Variants in PGM3 observed in about 807,000 individuals in gnomAD.
The protein encoded by PGM3 is phosphoglucomutase 3, also known as phosphoacetylglucosamine mutase.
PGM3 carries 40 observed loss-of-function variants against 66.2 expected under a neutral mutation model. The ratio of observed to expected loss-of-function variants is 0.60; its 90% CI spans 0.47 to 0.79. The LOEUF (loss-of-function observed/expected upper bound fraction) is 0.79, where lower values mean the gene tolerates loss of function less well. Ranked by LOEUF, PGM3 falls within the 30% of genes least tolerant of loss-of-function variation. PGM3 has a pLI of 0.00. For missense variants in PGM3, 537 were observed against 643.4 expected (o/e 0.83, Z 1.79); for synonymous variants, 191 against 224.2 (o/e 0.85, Z 1.32).
chr6:83,164,733 T>C (rs573121987), downstream of PGM3: 89 of 1,579,580 alleles, frequency 5.6e-5, no homozygotes, highest in Non-Finnish European at 7.5e-5. Flanking sequence ...AGGGTGGCTG[T>C]TTCATGCTTA....
intron 10 of PGM3, among the ~76,000 whole-genome samples, chr6:83,173,803 C>A (rs957029017): frequency 1.3e-5 from 2 of 152,170 alleles, no homozygotes; most frequent in Non-Finnish European, 2.9e-5. Context: ...GTGGCGTGAT[C>A]TTGGCTCACT....
At chr6:83,172,272 C>CACCTACAGTCCCAGCT (rs1787285829) in intron 10 of PGM3, among the ~76,000 whole-genome samples, 1 of 152,144 alleles carries the variant, frequency 6.6e-6, no homozygotes, top group African/African-American at 2.4e-5. Context: ...TGGTGGCATA[C>CACCTACAGTCCCAGCT]ACCTACAGTC....
chr6:83,191,241 T>G lies in PGM3; in HGVS notation c.-2-227A>C, dbSNP rs762473433. 9.8e-6 allele frequency: 15 copies of G among 1,535,368 alleles called. No individual in the cohort carries two copies. Among genetic ancestry groups the G allele is most frequent in the South Asian group, 3.6e-5 (3 of 84,056 alleles). ...CACTCCTGGGCAGACTCAGGGCAGA[T>G]AGCAGATTGTCCCCACTCTCCTCCC... On this transcript the variant is annotated intron_variant, in intron 1 of 12. Transcript: ENST00000513973.
chr6:83,167,679 AACT>A lies in PGM3; in HGVS notation c.*1552_*1554del. ...TACAATGTTAGACTGCTCCATGTAA[AACT>A]AATAAATGGCAGTAAAAGGTCTCAG... On this transcript the variant is annotated 3_prime_UTR_variant, in exon 13 of 13. Coordinates refer to ENST00000513973, the MANE Select transcript of PGM3 (RefSeq NM_015599.3). The A allele has an allele frequency of 7.3e-7, 1 of 1,376,302 alleles. No individual in the cohort carries two copies. The highest frequency in any genetic ancestry group is 9.3e-7 in the Non-Finnish European group (1 of 1,069,714). 85.3% of individuals were successfully genotyped at this position (1,376,302 alleles called of 1,614,324 possible).
chr6:83,158,307 T>G (rs1419830840), downstream of PGM3, among the ~76,000 whole-genome samples: 2 of 152,140 alleles, frequency 1.3e-5, no homozygotes, highest in Non-Finnish European at 2.9e-5. Flanking sequence ...GACCTATTTT[T>G]CCTTTTTTAA....
In PGM3 at chr6:83,176,011, G is replaced by A. The variant is rs1201093914; in HGVS notation, c.1079C>T (p.Ala360Val). ...KTGVKHLHHK[A>V]QEFDIGVYFE... ...ATAAACTCCAATGTCAAACTCTTGA[G>A]CCTTGTGGTGCAAATGTTTTACACC... The change falls in exon 9 of 13, where the codon GCT becomes GTT. Residue 360 changes from alanine to valine, a missense_variant. Coordinates refer to ENST00000513973, the MANE Select transcript of PGM3 (RefSeq NM_015599.3). The A allele has an allele frequency of 1.7e-5, 27 of 1,611,778 alleles. No individual in the cohort carries two copies. The highest frequency in any genetic ancestry group is 2.7e-5 in the African/African-American group (2 of 74,968).
intron 1 of PGM3, chr6:83,191,219 T>C (rs1028957786): frequency 6.5e-6 from 10 of 1,535,258 alleles, no homozygotes; most frequent in Non-Finnish European, 7.8e-6. Flanking sequence ...GTATGTCCAC[T>C]CCTGGGCAGA....
In PGM3 at chr6:83,174,101, G is replaced by A. The variant is rs1013991347; in HGVS notation, c.1242+273C>T. ...TTAAAAAAAAATTAATAATATATAT[G>A]TATACACTGAGTAGCTGAATCTGTG... On this transcript the variant is annotated intron_variant, in intron 10 of 12. Transcript: ENST00000513973. Among the ~76,000 whole-genome samples, 8 of 152,152 alleles carry A rather than the reference G, an allele frequency of 5.3e-5. No individual in the cohort carries two copies. The East Asian group carries it at 1.5e-3, about 29-fold the overall frequency.
At chr6:83,173,983 T>G (rs1261806663) in intron 10 of PGM3, among the ~76,000 whole-genome samples, 8 of 151,902 alleles carry the variant, frequency 5.3e-5, no homozygotes, top group South Asian at 4.2e-4. Flanking sequence ...TGATCCGCCC[T>G]CCTTGGCCTC....
rs1258584185 is a variant in PGM3 at position 83,167,983 on chromosome 6, A to T, written c.*1251T>A. 6.2e-7 allele frequency: 1 copy of T among 1,614,198 alleles called. No homozygotes were observed. Among genetic ancestry groups the T allele is most frequent in the Non-Finnish European group, 8.5e-7 (1 of 1,180,032 alleles). ...CTGCCGTTCTTCAATGTGCTCAGTC[A>T]AGTCTTCAACAGCAAAGTCACAAGC... is the stretch of plus-strand genomic sequence containing the variant. On this transcript the variant is annotated 3_prime_UTR_variant, in exon 13 of 13. Transcript: ENST00000513973.
In PGM3 at chr6:83,169,052, G is replaced by A. The variant is rs1050418960; in HGVS notation, c.*182C>T. On this transcript the variant is annotated 3_prime_UTR_variant, in exon 13 of 13. Coordinates refer to ENST00000513973, the MANE Select transcript of PGM3 (RefSeq NM_015599.3). ...TTAGAGGTAAATTTCTTTAACAAGT[G>A]TAAGGCTTACCTATTTATAAAGAAT... The A allele has an allele frequency of 7.1e-7, 1 of 1,404,096 alleles. No individual in the cohort carries two copies. Among genetic ancestry groups the A allele is most frequent in the African/African-American group, 1.4e-5 (1 of 69,298 alleles). 87.0% of individuals were successfully genotyped at this position (1,404,096 alleles called of 1,614,324 possible).
rs1317627245 is a variant in PGM3, at chr6:83,190,682, C to A, written c.204+127G>T. The A allele has an allele frequency of 8.0e-5, 59 of 735,646 alleles. 1 individual carries two copies. 45.6% of individuals were successfully genotyped at this position (735,646 alleles called of 1,614,324 possible). On this transcript the variant is annotated intron_variant, in intron 2 of 12. Coordinates refer to ENST00000513973, the MANE Select transcript of PGM3 (RefSeq NM_015599.3). ...TAAAAAAAAAAAGTTGTTTCACATC[C>A]AAAGCACATATAAATGAGAAGGCAC...
intron 2 of PGM3, among the ~76,000 whole-genome samples, chr6:83,190,070 T>C (rs1287077706): frequency 6.6e-6 from 1 of 152,064 alleles, no homozygotes; most frequent in Non-Finnish European, 1.5e-5. Flanking sequence ...GCGTGGTGAC[T>C]ATAGTTCATA....
chr6:83,189,917 C>G (rs185708879), intron 2 of PGM3, among the ~76,000 whole-genome samples: 1 of 152,126 alleles, frequency 6.6e-6, no homozygotes, highest in Admixed American at 6.5e-5. Flanking sequence ...TCATAACATA[C>G]ATGTGTTATG....
chr6:83,186,208 A>AC (rs966603174), intron 4 of PGM3, among the ~76,000 whole-genome samples: 5 of 151,994 alleles, frequency 3.3e-5, no homozygotes, highest in African/African-American at 1.2e-4. Context: ...TACAATACCC[A>AC]CCAGATTTGG....
the PGM3 span, chr6:83,151,445 A>C: frequency 3.0e-5 from 15 of 496,170 alleles, no homozygotes; most frequent in South Asian, 4.5e-4. Flanking sequence ...TATGAATGTC[A>C]GTTGAGTCAT....
At chr6:83,187,167 A>G (rs1349769689) in intron 3 of PGM3, 92 bp from the exon 4 acceptor site, 6 of 749,960 alleles carry the variant, frequency 8.0e-6, no homozygotes, top group Admixed American at 4.3e-5. Context: ...ACATGCTACA[A>G]ATTTCAAAAT....
chr6:83,173,880 G>A (rs1372785235), intron 10 of PGM3, among the ~76,000 whole-genome samples: 1 of 152,086 alleles, frequency 6.6e-6, no homozygotes, highest in African/African-American at 2.4e-5. Context: ...GGGACTACAG[G>A]TGCCCGCCAC....
chr6:83,155,565 G>A, the PGM3 span, among the ~76,000 whole-genome samples: 1 of 152,158 alleles, frequency 6.6e-6, no homozygotes, highest in African/African-American at 2.4e-5. Context: ...AGTGAGTTGA[G>A]GGTGAGTAAT....
Sources: allele counts gnomAD v4.1 joint callset (sites outside exome capture counted in the v4.1 genomes callset), GRCh38; gene constraint gnomAD v4.1.1; transcripts MANE v1.5; gene names NCBI Gene and HGNC (gene_info 2026-07-23, HGNC 2026-07-21).